CAMTA1: variants seen among roughly 807,000 people sequenced by gnomAD.
CAMTA1 encodes the protein calmodulin-binding transcription activator 1.
In CAMTA1, 27 loss-of-function variants were observed where a neutral mutation model predicts 170.9. That is an observed-to-expected ratio of 0.16 (90% CI 0.12 to 0.22). The LOEUF is 0.22. Among genes scored for constraint, CAMTA1 ranks in the 10% least tolerant of loss-of-function variants. The probability of loss-of-function intolerance (pLI) is 1.00; values close to 1 mark genes in which losing one functional copy is unlikely to be tolerated. For missense variants in CAMTA1, 1,619 were observed against 2,217.2 expected, an observed-to-expected ratio of 0.73 and a Z score of 5.42; for synonymous variants, 833 against 891.5, an observed-to-expected ratio of 0.93 and a Z score of 1.17.
intron 6 of CAMTA1, among the ~76,000 whole-genome samples, chr1:7,549,670 G>A (rs1240475093): frequency 6.6e-6 from 1 of 152,200 alleles, no homozygotes; most frequent in Non-Finnish European, 1.5e-5. Flanking sequence ...AGTGATATGT[G>A]AGGTTCATGA....
intron 3 of CAMTA1, among the ~76,000 whole-genome samples, chr1:6,828,825 T>C (rs930074191): frequency 4.6e-5 from 7 of 152,066 alleles, no homozygotes; most frequent in Non-Finnish European, 7.4e-5. Flanking sequence ...TTCTATTGTT[T>C]ACTCTATAGG....
At chr1:7,322,073 A>G (rs1678505169) in intron 5 of CAMTA1, among the ~76,000 whole-genome samples, 1 of 152,220 alleles carries the variant, frequency 6.6e-6, no homozygotes, top group Non-Finnish European at 1.5e-5. Context: ...AGTCTGAAGA[A>G]GTCAAATTAT....
chr1:7,276,303 A>ATATATATATTTTTTTTTTT, intron 5 of CAMTA1, among the ~76,000 whole-genome samples: 1 of 24,228 alleles, frequency 4.1e-5, no homozygotes, highest in Non-Finnish European at 6.1e-5. Context: ...ATATATATAT[A>ATATATATATTTTTTTTTTT]TTTTTTTTTT....
intron 6 of CAMTA1, among the ~76,000 whole-genome samples, chr1:7,492,647 TCA>T (rs1188767162): frequency 2.8e-5 from 2 of 72,256 alleles, no homozygotes; most frequent in South Asian, 4.6e-4. Flanking sequence ...ACACATACAA[TCA>T]CACAAACACA....
At chr1:7,202,868 TTA>T (rs1231341878) in intron 4 of CAMTA1, among the ~76,000 whole-genome samples, 1 of 152,182 alleles carries the variant, frequency 6.6e-6, no homozygotes, top group African/African-American at 2.4e-5. Flanking sequence ...GGTCTTTTAC[TTA>T]TGTTTCTTGC....
At chr1:6,949,835 C>T (rs1295522351) in intron 3 of CAMTA1, among the ~76,000 whole-genome samples, 2 of 152,272 alleles carry the variant, frequency 1.3e-5, no homozygotes, top group Non-Finnish European at 2.9e-5. Flanking sequence ...AGGCCTTCTG[C>T]CCTCGGCACG....
chr1:7,288,860 A>T (rs151134559), intron 5 of CAMTA1, among the ~76,000 whole-genome samples: 1 of 152,138 alleles, frequency 6.6e-6, no homozygotes, highest in South Asian at 2.1e-4. Context: ...CAAAGTCAGG[A>T]TGAGTCTATT....
At chr1:7,320,981 A>G (rs1224012343) in intron 5 of CAMTA1, among the ~76,000 whole-genome samples, 1 of 152,132 alleles carries the variant, frequency 6.6e-6, no homozygotes, top group Non-Finnish European at 1.5e-5. Flanking sequence ...AACCATCCTC[A>G]AAATACTTGG....
intron 6 of CAMTA1, among the ~76,000 whole-genome samples, chr1:7,488,394 C>T (rs557541473): frequency 4.6e-5 from 7 of 152,242 alleles, no homozygotes; most frequent in African/African-American, 7.2e-5. Context: ...CCCCCAGCTT[C>T]GCTCCTGGAG....
At chr1:7,314,635 G>A (rs1677216113) in intron 5 of CAMTA1, among the ~76,000 whole-genome samples, 2 of 152,216 alleles carry the variant, frequency 1.3e-5, no homozygotes, top group Admixed American at 6.5e-5. Context: ...AGGGAGCTGT[G>A]AAAAAGAACA....
At chr1:7,100,913 C>T (rs1048634916) in intron 4 of CAMTA1, among the ~76,000 whole-genome samples, 12 of 152,172 alleles carry the variant, frequency 7.9e-5, no homozygotes, top group African/African-American at 1.7e-4. Context: ...CAAAAGCCTT[C>T]GCGGCAGAGG....
At chr1:7,518,769 C>T (rs751107580) in intron 6 of CAMTA1, among the ~76,000 whole-genome samples, 1 of 152,022 alleles carries the variant, frequency 6.6e-6, no homozygotes, top group African/African-American at 2.4e-5. Context: ...AATGTCAGAA[C>T]AAAAAGTCAG....
chr1:7,289,593 G>A (rs1672828928), intron 5 of CAMTA1, among the ~76,000 whole-genome samples: 1 of 152,206 alleles, frequency 6.6e-6, no homozygotes, highest in African/African-American at 2.4e-5. Flanking sequence ...CTGAACCTCA[G>A]AATGTGACCT....
intron 6 of CAMTA1, among the ~76,000 whole-genome samples, chr1:7,516,319 G>A (rs1192458132): frequency 6.6e-6 from 1 of 152,228 alleles, no homozygotes; most frequent in African/African-American, 2.4e-5. Context: ...TTTTTATACT[G>A]TAATAGGAAT....
At chr1:7,245,478 T>C (rs554588870) in intron 4 of CAMTA1, among the ~76,000 whole-genome samples, 1 of 152,118 alleles carries the variant, frequency 6.6e-6, no homozygotes, top group Non-Finnish European at 1.5e-5. Context: ...ACGATATCTT[T>C]CTTGGCTAGA....
At chr1:7,214,327 T>C (rs559548064) in intron 4 of CAMTA1, among the ~76,000 whole-genome samples, 5 of 152,376 alleles carry the variant, frequency 3.3e-5, no homozygotes, top group Non-Finnish European at 5.9e-5. Context: ...GGTATCTCAT[T>C]GTGGTTTTGA....
chr1:7,434,588 G>A (rs35821654), intron 5 of CAMTA1, among the ~76,000 whole-genome samples: 2 of 152,200 alleles, frequency 1.3e-5, no homozygotes, highest in African/African-American at 4.8e-5. Flanking sequence ...TTGAGCCTTA[G>A]TCTGTTTGTG....
chr1:7,344,580 G>A (rs1438749876), intron 5 of CAMTA1, among the ~76,000 whole-genome samples: 1 of 152,032 alleles, frequency 6.6e-6, no homozygotes, highest in African/African-American at 2.4e-5. Flanking sequence ...TGATTTCCAG[G>A]GTCTCCACCC....
chr1:6,990,652 G>A (rs1192222545), intron 3 of CAMTA1, among the ~76,000 whole-genome samples: 2 of 152,008 alleles, frequency 1.3e-5, no homozygotes, highest in Admixed American at 6.6e-5. Context: ...TCCCAAAAGG[G>A]TTCCTCTGGT....
Sources: allele counts gnomAD v4.1 joint callset (sites outside exome capture counted in the v4.1 genomes callset), GRCh38; gene constraint gnomAD v4.1.1; transcripts MANE v1.5; gene names NCBI Gene and HGNC (gene_info 2026-07-23, HGNC 2026-07-21).